The following LRBA variants were observed in gnomAD, a reference collection of about 807,000 sequenced individuals.
LRBA encodes LPS responsive beige-like anchor protein.
A neutral mutation model predicts 330.0 loss-of-function variants in LRBA; 176 were observed. That is an observed-to-expected ratio of 0.53 (90% CI 0.47 to 0.60). The LOEUF (loss-of-function observed/expected upper bound fraction) is 0.60. LRBA is among the 20% of genes least tolerant of loss of function. The probability of loss-of-function intolerance (pLI) is 0.00; values close to 1 mark genes in which losing one functional copy is unlikely to be tolerated. For synonymous variants in LRBA, 1,230 were observed against 1,193.0 expected (o/e 1.03, Z -0.64); for missense variants, 3,259 against 3,444.8 (o/e 0.95, Z 1.35).
At chr4:150,624,035 T>C (rs2126640558) in intron 37 of LRBA, among the ~76,000 whole-genome samples, 1 of 152,262 alleles carries the variant, frequency 6.6e-6, no homozygotes, top group South Asian at 2.1e-4. Context: ...ACAAACTATA[T>C]GAACAGATTA....
intron 35 of LRBA, among the ~76,000 whole-genome samples, chr4:150,758,125 T>G (rs115263128): frequency 6.6e-5 from 10 of 152,186 alleles, no homozygotes; most frequent in Non-Finnish European, 1.5e-4. Context: ...ACAGGTCCAG[T>G]AGACACCTGT....
chr4:150,456,819 T>C (rs1754136364), intron 44 of LRBA, among the ~76,000 whole-genome samples: 1 of 152,126 alleles, frequency 6.6e-6, no homozygotes, highest in Non-Finnish European at 1.5e-5. Context: ...GATTCAAGTC[T>C]TTAATTCATT....
chr4:150,728,938 T>C (rs1476375622), intron 36 of LRBA, among the ~76,000 whole-genome samples: 2 of 152,194 alleles, frequency 1.3e-5, no homozygotes, highest in Non-Finnish European at 2.9e-5. Context: ...TGTGATCTTA[T>C]TTTTAGAAAA....
At chr4:150,650,007 G>A (rs1344388950) in intron 37 of LRBA, among the ~76,000 whole-genome samples, 1 of 152,062 alleles carries the variant, frequency 6.6e-6, no homozygotes, top group African/African-American at 2.4e-5. Context: ...TACTTAACTT[G>A]AGCATATATG....
Position 150,735,246 on chromosome 4 carries a change from T to C in LRBA, c.5754+12A>G. On this transcript the variant is annotated intron_variant, in intron 36 of 56. Transcript: ENST00000651943. Reference sequence around the variant, plus strand: ...CGGTAACTTCCGCACACCAACCATATGTGTAACCTACCTCAAATTCCGCAT... The same window carrying C: ...CGGTAACTTCCGCACACCAACCATACGTGTAACCTACCTCAAATTCCGCAT... The C allele has an allele frequency of 1.3e-6, 2 of 1,590,466 alleles. No individual in the cohort carries two copies. Among genetic ancestry groups the C allele is most frequent in the East Asian group, 2.2e-5 (1 of 44,736 alleles).
At chr4:150,799,838 A>G (rs1173765725) in intron 33 of LRBA, among the ~76,000 whole-genome samples, 1 of 152,108 alleles carries the variant, frequency 6.6e-6, no homozygotes, top group Non-Finnish European at 1.5e-5. Flanking sequence ...TCCACCTCCC[A>G]GGTTCAATCA....
At chr4:150,820,353 T>C (rs1297377513) in intron 30 of LRBA, among the ~76,000 whole-genome samples, 1 of 152,014 alleles carries the variant, frequency 6.6e-6, no homozygotes, top group African/African-American at 2.4e-5. Context: ...ACTAAAAATA[T>C]ACAGTTAAGA....
Position 150,485,238 on chromosome 4 carries a change from T to C in LRBA, c.6551+2494A>G, listed in dbSNP as rs1757731971. ...ACAGGGAGAGGCTGTCTATATTTCATTCCACTTCTATCCACTTTTGTCTTA... is the reference window on the plus strand; with the variant it reads ...ACAGGGAGAGGCTGTCTATATTTCACTCCACTTCTATCCACTTTTGTCTTA... On this transcript the variant is annotated intron_variant, in intron 42 of 56. Coordinates refer to ENST00000651943, the MANE Select transcript of LRBA (RefSeq NM_001364905.1). Among the ~76,000 whole-genome samples, 4 of 151,996 alleles carry C rather than the reference T, an allele frequency of 2.6e-5. No homozygotes were observed. In the Admixed American group the frequency reaches 2.6e-4, roughly 10 times the overall value.
intron 37 of LRBA, among the ~76,000 whole-genome samples, chr4:150,654,812 C>A (rs577696408): frequency 1.3e-5 from 2 of 151,974 alleles, no homozygotes; most frequent in South Asian, 2.1e-4. Flanking sequence ...TTTGTCCTTG[C>A]GATAGTTTGC....
In LRBA at chr4:150,340,015, C is replaced by T. The variant is rs1024587157; in HGVS notation, c.7362+9977G>A. Among the ~76,000 whole-genome samples the T allele has an allele frequency of 2.6e-5, 4 of 151,992 alleles. No individual in the cohort carries two copies. In the South Asian group the frequency reaches 6.2e-4, roughly 24 times the overall value. ...CTATTCTTGTGATGGTAAGTTCTCA[C>T]GAGATCTGATGGTTTTATAACGGGC... On this transcript the variant is annotated intron_variant, in intron 48 of 56. Coordinates refer to ENST00000651943, the MANE Select transcript of LRBA (RefSeq NM_001364905.1).
intron 40 of LRBA, among the ~76,000 whole-genome samples, chr4:150,551,172 G>T (rs901006346): frequency 1.2e-4 from 18 of 152,108 alleles, no homozygotes; most frequent in Non-Finnish European, 2.5e-4. Context: ...TCTGCCCTGG[G>T]ATGACTCTCA....
At chr4:150,357,835 A>T (rs1182787336) in intron 47 of LRBA, among the ~76,000 whole-genome samples, 1 of 152,126 alleles carries the variant, frequency 6.6e-6, no homozygotes, top group African/African-American at 2.4e-5. Context: ...TTAAAGGGAG[A>T]TATCACATAA....
At position 150,538,772 on chromosome 4, in the gene LRBA, T is replaced by C. The variant is rs1191157874; in HGVS notation, c.6331-47737A>G. Among the ~76,000 whole-genome samples, 4 of 149,744 alleles carry C rather than the reference T, an allele frequency of 2.7e-5. No individual in the cohort carries two copies. The East Asian group carries it at 7.9e-4, about 30-fold the overall frequency. The stretch of plus-strand genomic sequence containing the variant: ...GCCCAGGCTCAGTGAGCCAAGATCA[T>C]GTCACTGCACTCTAGCCGGATTACA... On this transcript the variant is annotated intron_variant, in intron 40 of 56. Transcript: ENST00000651943.
chr4:150,906,535 A>G lies in LRBA; in HGVS notation c.1494-130T>C, dbSNP rs191600426. 4 of 560,904 alleles carry G rather than the reference A, an allele frequency of 7.1e-6. No homozygotes were observed. The Admixed American group carries it at 9.5e-5, about 13-fold the overall frequency. The allele number at this position is 560,904 out of a possible 1,614,324, so 34.7% of individuals were successfully genotyped here. On this transcript the variant is annotated intron_variant, in intron 11 of 56. Transcript: ENST00000651943. ...ATTTCAAAGAAATTGAAGCTCCACT[A>G]AAACTGCTTCCAACATTACATCAGA...
At chr4:150,911,943 T>C (rs187282083) in intron 9 of LRBA, among the ~76,000 whole-genome samples, 4 of 152,292 alleles carry the variant, frequency 2.6e-5, no homozygotes, top group African/African-American at 9.6e-5. Flanking sequence ...TTCTAGAAAA[T>C]TGTCCATTTC....
chr4:150,904,976 G>C (rs1425613028), intron 13 of LRBA, among the ~76,000 whole-genome samples: 2 of 152,086 alleles, frequency 1.3e-5, no homozygotes, highest in Admixed American at 6.5e-5. Flanking sequence ...GGAAAACTGG[G>C]CTTGAAATAA....
At chr4:150,271,422 G>T (rs1433259345) in intron 56 of LRBA, among the ~76,000 whole-genome samples, 1 of 151,720 alleles carries the variant, frequency 6.6e-6, no homozygotes, top group Non-Finnish European at 1.5e-5. Context: ...GTCTGGCTCG[G>T]TGGGTCCCAC....
At chr4:150,867,383 T>C (rs1752857271) in intron 22 of LRBA, among the ~76,000 whole-genome samples, 1 of 152,198 alleles carries the variant, frequency 6.6e-6, no homozygotes, top group Non-Finnish European at 1.5e-5. Flanking sequence ...TTGCCGCAAC[T>C]ACTTTTTCAG....
At chr4:150,941,213 A>G (rs1188501147) in intron 2 of LRBA, among the ~76,000 whole-genome samples, 3 of 152,058 alleles carry the variant, frequency 2.0e-5, no homozygotes, top group Non-Finnish European at 4.4e-5. Flanking sequence ...GCTGGAGTTC[A>G]GCAGCATCGG....
Sources: gnomAD v4.1 joint callset for allele counts (sites outside exome capture counted in the v4.1 genomes callset) on GRCh38, gnomAD v4.1.1 for gene constraint, MANE v1.5 for transcripts, NCBI Gene and HGNC (gene_info 2026-07-23, HGNC 2026-07-21) for gene names.